SRGAP1: variants seen among roughly 807,000 people sequenced by gnomAD.
The protein encoded by SRGAP1 is SLIT-ROBO Rho GTPase-activating protein 1.
SRGAP1 carries 43 observed loss-of-function variants against 121.9 expected under a neutral mutation model. That is an observed-to-expected ratio of 0.35 (90% CI 0.28 to 0.46). SRGAP1 has a LOEUF of 0.46. SRGAP1 is among the 20% of genes least tolerant of loss of function. The pLI is 1.00. For missense variants in SRGAP1, 1,102 were observed against 1,350.9 expected (o/e 0.82, Z 2.89); for synonymous variants, 447 against 485.4 (o/e 0.92, Z 1.04).
At chr12:63,860,186 T>C (rs555037208) in intron 1 of SRGAP1, among the ~76,000 whole-genome samples, 2 of 152,242 alleles carry the variant, frequency 1.3e-5, no homozygotes, top group Admixed American at 1.3e-4. Context: ...ATTTTTTGTA[T>C]TTTTGGTAGA....
chr12:64,036,539 A>G (rs1396067411), intron 4 of SRGAP1, among the ~76,000 whole-genome samples: 1 of 152,206 alleles, frequency 6.6e-6, no homozygotes, highest in East Asian at 1.9e-4. Context: ...AGCAGGCTAT[A>G]TAGAGTTAGG....
At chr12:63,915,037 A>G (rs566928403) in intron 1 of SRGAP1, among the ~76,000 whole-genome samples, 15 of 152,284 alleles carry the variant, frequency 9.9e-5, no homozygotes, top group African/African-American at 3.1e-4. Context: ...TTCTTCTTAT[A>G]TATTTTTGTA....
rs1177371462 is a variant in SRGAP1, at chr12:64,017,024, ATCTT to A, written c.489+17_489+20del. 1 of 1,457,130 alleles carries A rather than the reference ATCTT, an allele frequency of 6.9e-7. No homozygotes were observed. The highest frequency in any genetic ancestry group is 9.5e-7 in the Non-Finnish European group (1 of 1,055,766). 90.3% of individuals were successfully genotyped at this position (1,457,130 alleles called of 1,614,324 possible). A position where few individuals can be genotyped will look rare whatever the true frequency, so the allele number is the denominator to read the frequency against. ...ATGAGCTTTATACGGTAAGGACATA[ATCTT>A]TCTTCTTTTCTAGAATCCTTGGGTT... On this transcript the variant is annotated intron_variant, in intron 4 of 21. Coordinates refer to ENST00000355086, the MANE Select transcript of SRGAP1 (RefSeq NM_020762.4).
chr12:64,012,881 A>G (rs2034292878), intron 3 of SRGAP1, among the ~76,000 whole-genome samples: 1 of 152,002 alleles, frequency 6.6e-6, no homozygotes, highest in South Asian at 2.1e-4. Context: ...AATAGAATCC[A>G]TAGGTGTATT....
In SRGAP1 at chr12:63,941,253, A is replaced by G. The variant is rs146971639; in HGVS notation, c.68-42694A>G. On this transcript the variant is annotated intron_variant, in intron 1 of 21. Transcript: ENST00000355086. ...CAGTTTGGTACAACTGCCAAGATTA[A>G]CTGTAATCCCTTGTCCTTCTGTTTG... 2.9e-3 allele frequency among the ~76,000 whole-genome samples: 436 copies of G among 152,060 alleles called. 12 individuals are homozygous for G. Among genetic ancestry groups the G allele is most frequent in the Admixed American group, 0.025 (381 of 15,260 alleles).
chr12:64,154,631 C>G lies in SRGAP1; in HGVS notation c.*11959C>G, dbSNP rs2037149546. On this transcript the variant is annotated 3_prime_UTR_variant, in exon 22 of 22. Transcript: ENST00000355086. ...TGACTGGGGAAAGGAAGAAGTTGGC[C>G]AGGATGTACAACCAAGTATTCACGT... 6.6e-6 allele frequency: 1 copy of G among 152,054 alleles called. No individual in the cohort carries two copies. 9.4% of individuals were successfully genotyped at this position (152,054 alleles called of 1,614,324 possible).
chr12:63,899,268 G>T (rs1395718285), intron 1 of SRGAP1, among the ~76,000 whole-genome samples: 6 of 151,776 alleles, frequency 4.0e-5, no homozygotes, highest in Non-Finnish European at 8.8e-5. Context: ...TGTGGTCCCG[G>T]CTACTCCAAA....
chr12:63,879,701 A>G (rs1266552243), intron 1 of SRGAP1, among the ~76,000 whole-genome samples: 3 of 152,180 alleles, frequency 2.0e-5, no homozygotes, highest in Non-Finnish European at 4.4e-5. Context: ...CATATTAATT[A>G]CTCTTGGATA....
intron 9 of SRGAP1, among the ~76,000 whole-genome samples, chr12:64,079,654 C>T (rs2035801265): frequency 1.3e-5 from 2 of 151,974 alleles, no homozygotes; most frequent in Admixed American, 1.3e-4. Context: ...CTACTGCACT[C>T]CAGCCTGGGC....
rs569838340 is a variant in SRGAP1 at position 64,134,539 on chromosome 12, A to C, written c.2880+6339A>C. ...AGTGACTAATCCACTCCACCATCCC[A>C]ATCTCCCTAAGCCTTTGGATCCCTT... On this transcript the variant is annotated intron_variant, in intron 21 of 21. Coordinates refer to ENST00000355086, the MANE Select transcript of SRGAP1 (RefSeq NM_020762.4). Among the ~76,000 whole-genome samples, 546 of 152,194 alleles carry C rather than the reference A, an allele frequency of 3.6e-3. 3 individuals carry two copies. The highest frequency in any genetic ancestry group is 0.013 in the African/African-American group (535 of 41,522).
At chr12:63,898,216 T>A (rs1421816139) in intron 1 of SRGAP1, among the ~76,000 whole-genome samples, 1 of 152,192 alleles carries the variant, frequency 6.6e-6, no homozygotes, top group Non-Finnish European at 1.5e-5. Flanking sequence ...TTTCCTGTGG[T>A]GGAAAGGAAG....
chr12:63,855,426 A>G (rs1224205099), intron 1 of SRGAP1, among the ~76,000 whole-genome samples: 1 of 150,836 alleles, frequency 6.6e-6, no homozygotes, highest in Non-Finnish European at 1.5e-5. Context: ...TCACAGCATG[A>G]AAGAAGAGAT....
rs2037164512 is a variant in SRGAP1, at chr12:64,156,368, A to C, written c.*13696A>C. The C allele has an allele frequency of 6.6e-6, 1 of 152,220 alleles. No homozygotes were observed. Among genetic ancestry groups the C allele is most frequent in the Non-Finnish European group, 1.5e-5 (1 of 68,026 alleles). The allele number at this position is 152,220 out of a possible 1,614,324, so 9.4% of individuals were successfully genotyped here. On this transcript the variant is annotated 3_prime_UTR_variant, in exon 22 of 22. Coordinates refer to ENST00000355086, the MANE Select transcript of SRGAP1 (RefSeq NM_020762.4). ...AAATTTGTAGATGTTAATATGATTT[A>C]CTTATTTGCAATTTTCATAGCTATA...
chr12:63,902,637 T>C (rs759302520), intron 1 of SRGAP1, among the ~76,000 whole-genome samples: 2 of 152,232 alleles, frequency 1.3e-5, no homozygotes, highest in Non-Finnish European at 2.9e-5. Flanking sequence ...AGTGGAACAG[T>C]TGCTTATTTT....
At chr12:64,017,153 G>A (rs540761172) in intron 4 of SRGAP1, 141 bp downstream of exon 4, 4 of 529,072 alleles carry the variant, frequency 7.6e-6, no homozygotes, top group Middle Eastern at 3.2e-4. Context: ...CAAGGGATAG[G>A]TATACACAGC....
intron 1 of SRGAP1, among the ~76,000 whole-genome samples, chr12:63,951,518 G>A (rs145008356): frequency 0.011 from 1,683 of 152,240 alleles, 7 homozygotes; most frequent in Non-Finnish European, 0.016. Flanking sequence ...GGTGAAGAAT[G>A]TGTTCCAGCA....
chr12:63,956,720 C>CTTTTTTTTTTTTTTT (rs3067620), intron 1 of SRGAP1, among the ~76,000 whole-genome samples: 2 of 96,978 alleles, frequency 2.1e-5, no homozygotes, highest in African/African-American at 4.1e-5. Flanking sequence ...GTAAGCAAGG[C>CTTTTTTTTTTTTTTT]TTTTTTTTTT....
rs558248193 is a variant in SRGAP1, at chr12:64,044,674, C to CTTTTTTTTTTTTTTTTTTTTTTT, written c.801+1102_801+1124dup. ...AGCTTATTAACACTCTGATGTGCCT[C>CTTTTTTTTTTTTTTTTTTTTTTT]TTTTTTTTTTTTTTTTTTTTTTTTT... is the stretch of plus-strand genomic sequence containing the variant. On this transcript the variant is annotated intron_variant, in intron 6 of 21. Coordinates refer to ENST00000355086, the MANE Select transcript of SRGAP1 (RefSeq NM_020762.4). Among the ~76,000 whole-genome samples the CTTTTTTTTTTTTTTTTTTTTTTT allele has an allele frequency of 8.0e-4, 58 of 72,112 alleles. 5 individuals carry two copies. Among genetic ancestry groups the CTTTTTTTTTTTTTTTTTTTTTTT allele is most frequent in the East Asian group, 1.0e-3 (3 of 2,880 alleles). 47.3% of individuals were successfully genotyped at this position (72,112 alleles called of 152,430 possible).
intron 1 of SRGAP1, among the ~76,000 whole-genome samples, chr12:63,846,204 G>T (rs1035656793): frequency 1.3e-5 from 2 of 152,182 alleles, no homozygotes; most frequent in African/African-American, 4.8e-5. Flanking sequence ...TATACTTACA[G>T]GAACTTGTTT....
Sources: allele counts gnomAD v4.1 joint callset (sites outside exome capture counted in the v4.1 genomes callset), GRCh38; gene constraint gnomAD v4.1.1; transcripts MANE v1.5; gene names NCBI Gene and HGNC (gene_info 2026-07-23, HGNC 2026-07-21).